The following GPHN variants were observed in gnomAD, a reference collection of about 807,000 sequenced individuals.
The protein encoded by GPHN is gephyrin.
Under a neutral mutation model 95.5 loss-of-function variants are expected in GPHN, and 17 were observed. The ratio of observed to expected loss-of-function variants is 0.18; its 90% CI spans 0.12 to 0.27. GPHN has a LOEUF of 0.27. Ranked by LOEUF, GPHN falls within the 10% of genes least tolerant of loss-of-function variation. The probability of loss-of-function intolerance (pLI) is 1.00; values close to 1 mark genes in which losing one functional copy is unlikely to be tolerated. For synonymous variants in GPHN, 320 were observed against 322.5 expected, an observed-to-expected ratio of 0.99 and a Z score of 0.08; for missense variants, 660 against 978.1, an observed-to-expected ratio of 0.67 and a Z score of 4.34.
chr14:67,103,962 A>G (rs1040496639), intron 13 of GPHN, among the ~76,000 whole-genome samples: 1 of 152,138 alleles, frequency 6.6e-6, no homozygotes, highest in Non-Finnish European at 1.5e-5. Flanking sequence ...CTCAGAGGAA[A>G]AGCTTTCAAC....
At chr14:67,519,731 C>CT in the GPHN span, among the ~76,000 whole-genome samples, 4 of 128,494 alleles carry the variant, frequency 3.1e-5, no homozygotes, top group African/African-American at 5.6e-5. Flanking sequence ...TTTTTTTTTA[C>CT]TTTTTTTTTG....
chr14:66,517,898 A>G (rs567317998), intron 1 of GPHN, among the ~76,000 whole-genome samples: 1 of 152,112 alleles, frequency 6.6e-6, no homozygotes, highest in African/African-American at 2.4e-5. Flanking sequence ...TTTTATAAAT[A>G]AGACCTCAAA....
At chr14:67,452,580 C>T in the GPHN span, among the ~76,000 whole-genome samples, 1 of 152,162 alleles carries the variant, frequency 6.6e-6, no homozygotes, top group Non-Finnish European at 1.5e-5. Flanking sequence ...ACTGGCAGGA[C>T]TAGGATCAGA....
At chr14:66,983,890 T>C (rs1390699357) in intron 9 of GPHN, among the ~76,000 whole-genome samples, 1 of 152,206 alleles carries the variant, frequency 6.6e-6, no homozygotes, top group African/African-American at 2.4e-5. Flanking sequence ...AGCATTAATT[T>C]TTTTCCATCC....
chr14:66,822,535 C>T (rs2061238511), intron 3 of GPHN, among the ~76,000 whole-genome samples: 1 of 152,130 alleles, frequency 6.6e-6, no homozygotes, highest in South Asian at 2.1e-4. Flanking sequence ...CAGTGTTCCT[C>T]TTATTTTTAA....
At chr14:67,149,429 T>G (rs72717305) in intron 18 of GPHN, among the ~76,000 whole-genome samples, 8,209 of 152,308 alleles carry the variant, frequency 0.054, 227 homozygotes, top group Middle Eastern at 0.068. Context: ...TTTTTTTAAT[T>G]TCTTAGTTTT....
At position 66,691,533 on chromosome 14, in the gene GPHN, TACATGAA is replaced by T. The variant is rs1161113983; in HGVS notation, c.143+10350_143+10356del. On this transcript the variant is annotated intron_variant, in intron 2 of 22. Transcript: ENST00000478722. The stretch of plus-strand genomic sequence containing the variant: ...AAAATTTTTAATGAATATTTTATAG[TACATGAA>T]AATTATATTTCAGTGTCTATAAATA... Among the ~76,000 whole-genome samples, 4 of 152,288 alleles carry T rather than the reference TACATGAA, an allele frequency of 2.6e-5. No homozygotes were observed. The East Asian group carries it at 7.7e-4, about 29-fold the overall frequency.
the GPHN span, chr14:67,387,454 C>A: frequency 1.2e-6 from 2 of 1,602,586 alleles, no homozygotes; most frequent in Non-Finnish European, 1.7e-6. Flanking sequence ...TTCCCTTTAA[C>A]CCCTAGGCAG....
chr14:67,248,896 G>A, the GPHN span, among the ~76,000 whole-genome samples: 1 of 152,120 alleles, frequency 6.6e-6, no homozygotes, highest in Non-Finnish European at 1.5e-5. Flanking sequence ...CATGACCCAA[G>A]TGATCCTCCC....
At chr14:67,049,736 C>A (rs977217058) in intron 10 of GPHN, among the ~76,000 whole-genome samples, 1 of 152,174 alleles carries the variant, frequency 6.6e-6, no homozygotes, top group Admixed American at 6.5e-5. Context: ...TGGTCTTGAT[C>A]ATTTGACCTC....
chr14:67,122,382 G>A lies in GPHN; in HGVS notation c.1748+5G>A. On this transcript the variant is annotated splice_donor_5th_base_variant and intron_variant, in intron 17 of 22. Coordinates refer to ENST00000478722, the MANE Select transcript of GPHN (RefSeq NM_020806.5). ...CTTGGGTATTGTAGGAGACAAGTAA[G>A]TATTTGATGTCATTCTGAAAAGTTT... 1 of 1,611,988 alleles carries A rather than the reference G, an allele frequency of 6.2e-7. No homozygotes were observed. The highest frequency in any genetic ancestry group is 8.5e-7 in the Non-Finnish European group (1 of 1,178,242).
At chr14:67,352,339 C>T in the GPHN span, among the ~76,000 whole-genome samples, 1 of 150,712 alleles carries the variant, frequency 6.6e-6, no homozygotes, top group African/African-American at 2.4e-5. Context: ...AGAATGGTAG[C>T]ATGCACCTGT....
At chr14:66,568,126 G>A (rs190267126) in intron 1 of GPHN, among the ~76,000 whole-genome samples, 2 of 152,248 alleles carry the variant, frequency 1.3e-5, no homozygotes, top group East Asian at 3.9e-4. Flanking sequence ...TTAATTAGAT[G>A]AGAATAACTA....
the GPHN span, chr14:67,321,115 G>A: frequency 2.4e-4 from 395 of 1,614,132 alleles, 6 homozygotes; most frequent in South Asian, 3.6e-3. Context: ...ACTTTGTTTC[G>A]CGGCAAGCAT....
At chr14:67,331,321 A>G in the GPHN span, among the ~76,000 whole-genome samples, 4 of 152,226 alleles carry the variant, frequency 2.6e-5, no homozygotes, top group Non-Finnish European at 5.9e-5. Flanking sequence ...CTGAGATTAC[A>G]GGCGGGGGAG....
chr14:66,869,780 GT>G (rs1454282726), intron 4 of GPHN, among the ~76,000 whole-genome samples: 5 of 152,160 alleles, frequency 3.3e-5, no homozygotes, highest in African/African-American at 1.2e-4. Context: ...TTATCATTTA[GT>G]TCTCAGAGCC....
chr14:67,496,709 TC>T, the GPHN span, among the ~76,000 whole-genome samples: 47 of 149,818 alleles, frequency 3.1e-4, no homozygotes, highest in Non-Finnish European at 5.3e-4. Flanking sequence ...TCTTTTCCCT[TC>T]CCCTTTTCTT....
the GPHN span, chr14:67,382,801 T>A: frequency 3.6e-6 from 2 of 560,130 alleles, no homozygotes; most frequent in Non-Finnish European, 6.3e-6. Context: ...TGGTTTGAAT[T>A]TGCATGTGGC....
chr14:67,349,103 T>C, the GPHN span: 7 of 1,613,694 alleles, frequency 4.3e-6, no homozygotes, highest in Non-Finnish European at 5.9e-6. Context: ...ATAACTGTAG[T>C]GCTGCAGAAA....
Sources: gnomAD v4.1 joint callset for allele counts (sites outside exome capture counted in the v4.1 genomes callset) on GRCh38, gnomAD v4.1.1 for gene constraint, MANE v1.5 for transcripts, NCBI Gene and HGNC (gene_info 2026-07-23, HGNC 2026-07-21) for gene names.